The following PDE4B variants were observed in gnomAD, a reference collection of about 807,000 sequenced individuals.
PDE4B encodes the protein 3',5'-cyclic-AMP phosphodiesterase 4B.
A neutral mutation model predicts 82.2 loss-of-function variants in PDE4B; 20 were observed. The ratio of observed to expected loss-of-function variants is 0.24; its 90% confidence interval spans 0.17 to 0.35. PDE4B has a LOEUF of 0.35. PDE4B is among the 10% of genes least tolerant of loss of function. The pLI is 1.00. For missense variants in PDE4B, 655 were observed against 907.2 expected (o/e 0.72, Z 3.57); for synonymous variants, 320 against 318.9 (o/e 1.00, Z -0.04).
At chr1:65,913,455 T>G in intron 2 of PDE4B, 99 bp downstream of exon 2, 1 of 1,113,904 alleles carries the variant, frequency 9.0e-7, no homozygotes, top group South Asian at 1.3e-5. Context: ...AACACACCAC[T>G]CTGTGACTAG....
intron 3 of PDE4B, among the ~76,000 whole-genome samples, chr1:65,919,876 T>C (rs1647206699): frequency 6.6e-6 from 1 of 152,184 alleles, no homozygotes; most frequent in South Asian, 2.1e-4. Context: ...ATTAGATCAC[T>C]GAAACTCCAG....
chr1:66,306,713 A>G (rs1335931981), intron 7 of PDE4B, among the ~76,000 whole-genome samples: 1 of 152,122 alleles, frequency 6.6e-6, no homozygotes, highest in African/African-American at 2.4e-5. Flanking sequence ...CCTTTGTTTC[A>G]TGTAGAAGAA....
intron 4 of PDE4B, 100 bp downstream of exon 4, chr1:66,247,754 G>T: frequency 1.1e-6 from 1 of 877,646 alleles, no homozygotes; most frequent in South Asian, 2.0e-5. Flanking sequence ...CTATGGTAAG[G>T]ATGAAGGAAG....
chr1:66,328,312 T>C (rs1659875195), intron 7 of PDE4B, among the ~76,000 whole-genome samples: 1 of 152,176 alleles, frequency 6.6e-6, no homozygotes, highest in African/African-American at 2.4e-5. Flanking sequence ...TGGAAGTTTT[T>C]GAAAGCGAAG....
At chr1:66,245,544 C>A (rs781329555) in intron 3 of PDE4B, among the ~76,000 whole-genome samples, 1 of 152,126 alleles carries the variant, frequency 6.6e-6, no homozygotes, top group African/African-American at 2.4e-5. Flanking sequence ...GTTTGCAAGT[C>A]GCTTTATTAT....
At chr1:66,252,904 A>G (rs1469354523) in intron 4 of PDE4B, among the ~76,000 whole-genome samples, 1 of 152,220 alleles carries the variant, frequency 6.6e-6, no homozygotes, top group East Asian at 1.9e-4. Flanking sequence ...GTGCCACTGC[A>G]CTCCAGTCTA....
At chr1:65,914,470 C>CTTCTTT (rs1553120183) in intron 2 of PDE4B, among the ~76,000 whole-genome samples, 4 of 145,056 alleles carry the variant, frequency 2.8e-5, no homozygotes, top group Non-Finnish European at 6.0e-5. Flanking sequence ...TCTTCTTCTT[C>CTTCTTT]TTTTTTTTTT....
At chr1:66,199,764 T>G (rs945761050) in intron 3 of PDE4B, among the ~76,000 whole-genome samples, 6 of 152,190 alleles carry the variant, frequency 3.9e-5, no homozygotes, top group African/African-American at 1.4e-4. Context: ...CCAAGAGTGA[T>G]ACTCCTATTT....
intron 8 of PDE4B, among the ~76,000 whole-genome samples, chr1:66,349,388 G>T (rs1321177): frequency 0.69 from 104,702 of 152,024 alleles, 36,305 homozygotes; most frequent in East Asian, 0.89. Flanking sequence ...AAGACAAGAA[G>T]CACTCAATTC....
chr1:66,142,279 G>C (rs1009919143), intron 3 of PDE4B, among the ~76,000 whole-genome samples: 2 of 151,996 alleles, frequency 1.3e-5, no homozygotes, highest in Non-Finnish European at 2.9e-5. Context: ...TATCGTTCAT[G>C]GGTCAACTTT....
chr1:65,855,639 T>C (rs1007714083), intron 1 of PDE4B, among the ~76,000 whole-genome samples: 2 of 152,220 alleles, frequency 1.3e-5, no homozygotes, highest in Non-Finnish European at 2.9e-5. Context: ...CATAGGTATG[T>C]CTTAATATTC....
intron 7 of PDE4B, chr1:66,331,987 C>A (rs1438504610): frequency 5.8e-6 from 6 of 1,027,260 alleles, no homozygotes; most frequent in East Asian, 9.1e-5. Context: ...ACTGCCTAGA[C>A]TTTGAACGTA....
intron 1 of PDE4B, among the ~76,000 whole-genome samples, chr1:65,877,535 A>T (rs1291464584): frequency 6.6e-6 from 1 of 151,788 alleles, no homozygotes; most frequent in Non-Finnish European, 1.5e-5. Context: ...GAATGGCATG[A>T]CCCTGGGAGG....
Position 65,988,317 on chromosome 1 carries a change from G to A in PDE4B, c.281+69482G>A, listed in dbSNP as rs772331664. 2.6e-4 allele frequency among the ~76,000 whole-genome samples: 40 copies of A among 152,182 alleles called. 1 individual carries two copies. The highest frequency in any genetic ancestry group is 2.6e-4 in the African/African-American group (11 of 41,522). On this transcript the variant is annotated intron_variant, in intron 3 of 16. Transcript: ENST00000341517. ...CATGTTAGAATAATTCTCTAGCTTCGTTTTTTAAAACAAAATATAAAAATT... is the reference window on the plus strand; with the variant it reads ...CATGTTAGAATAATTCTCTAGCTTCATTTTTTAAAACAAAATATAAAAATT...
chr1:66,228,686 C>G (rs1022352399), intron 3 of PDE4B, among the ~76,000 whole-genome samples: 4 of 150,534 alleles, frequency 2.7e-5, no homozygotes, highest in South Asian at 4.2e-4. Context: ...TCTCATGCAA[C>G]AAGAAGTTCA....
intron 3 of PDE4B, among the ~76,000 whole-genome samples, chr1:66,007,613 T>C (rs193287995): frequency 4.2e-4 from 64 of 152,292 alleles, no homozygotes; most frequent in African/African-American, 1.5e-3. Flanking sequence ...GCCCCTGTTA[T>C]GGTGACATAC....
chr1:66,227,746 G>C (rs539600429), intron 3 of PDE4B, among the ~76,000 whole-genome samples: 1 of 152,000 alleles, frequency 6.6e-6, no homozygotes, highest in African/African-American at 2.4e-5. Context: ...AGCTGAAATG[G>C]TTAGCTCTAC....
intron 1 of PDE4B, among the ~76,000 whole-genome samples, chr1:65,833,778 T>G (rs1391078977): frequency 6.6e-6 from 1 of 152,226 alleles, no homozygotes; most frequent in African/African-American, 2.4e-5. Flanking sequence ...GAACAAATTA[T>G]TAAATTTTCA....
At chr1:66,363,798 G>C (rs1426983989) in intron 12 of PDE4B, among the ~76,000 whole-genome samples, 1 of 151,948 alleles carries the variant, frequency 6.6e-6, no homozygotes, top group African/African-American at 2.4e-5. Context: ...AATTTAAAAA[G>C]TGCCTTACAA....
Sources: allele counts gnomAD v4.1 joint callset (sites outside exome capture counted in the v4.1 genomes callset), GRCh38; gene constraint gnomAD v4.1.1; transcripts MANE v1.5; gene names NCBI Gene and HGNC (gene_info 2026-07-23, HGNC 2026-07-21).